The following JAG1 variants were observed in gnomAD, a reference collection of about 807,000 sequenced individuals.
The protein encoded by JAG1 is protein jagged-1.
JAG1 carries 23 observed loss-of-function variants against 148.7 expected under a neutral mutation model. The ratio of observed to expected loss-of-function variants is 0.15; its 90% CI spans 0.11 to 0.22. The LOEUF (loss-of-function observed/expected upper bound fraction) is 0.22. Ranked by LOEUF, JAG1 falls within the 10% of genes least tolerant of loss-of-function variation. The pLI is 1.00. For synonymous variants in JAG1, 572 were observed against 598.3 expected (o/e 0.96, Z 0.64); for missense variants, 1,054 against 1,611.2 (o/e 0.65, Z 5.92).
In JAG1 at chr20:10,647,050, G is replaced by A. The variant is rs138470284; in HGVS notation, c.1774C>T (p.Arg592Trp). Residue 592 changes from arginine (R) to tryptophan (W), a missense_variant, in exon 14 of 26, where the codon CGG (arginine) becomes TGG (tryptophan). Transcript: ENST00000254958. ...CCACAGACGTTGGAGGAAATATACC[G>A]CACCCCTTCAGGTGTGTCGTTGGAA... ...MASNDTPEGV[R>W]YISSNVCGPH... is the part of the protein sequence containing the mutation. 13 of 1,614,144 alleles carry A rather than the reference G, an allele frequency of 8.1e-6. 1 individual carries two copies. Among genetic ancestry groups the A allele is most frequent in the East Asian group, 2.2e-5 (1 of 44,884 alleles).
At chr20:10,671,956 C>G (rs2067498340) in intron 2 of JAG1, among the ~76,000 whole-genome samples, 1 of 152,034 alleles carries the variant, frequency 6.6e-6, no homozygotes, top group African/African-American at 2.4e-5. Flanking sequence ...GGGCCGTGCA[C>G]CCGCCCTTCC....
intron 5 of JAG1, among the ~76,000 whole-genome samples, chr20:10,654,496 T>A (rs892857941): frequency 6.6e-6 from 1 of 152,066 alleles, no homozygotes; most frequent in Non-Finnish European, 1.5e-5. Context: ...TCAGTCTACT[T>A]GGGAACAACA....
At chr20:10,658,047 A>G (rs1459556502) in intron 4 of JAG1, among the ~76,000 whole-genome samples, 1 of 152,136 alleles carries the variant, frequency 6.6e-6, no homozygotes, top group Non-Finnish European at 1.5e-5. Context: ...GAGCAAGAAC[A>G]TGGTCTCAAC....
Position 10,641,230 on chromosome 20 carries a change from C to T in JAG1, c.2931G>A (p.Glu977=), listed in dbSNP as rs1379142756. 3 of 1,613,814 alleles carry T rather than the reference C, an allele frequency of 1.9e-6. No individual in the cohort carries two copies. Among genetic ancestry groups the T allele is most frequent in the Non-Finnish European group, 1.7e-6 (2 of 1,180,022 alleles). The change falls in exon 24 of 26, where the codon GAG becomes GAA. Residue 977 remains glutamate (E), a synonymous_variant. Transcript: ENST00000254958. The part of the protein sequence containing the change: ...KEMMSPGLTT[E]HICSELRNLN... The stretch of plus-strand genomic sequence containing the variant: ...AATTCCTCAATTCACTGCAAATGTG[C>T]TCCGTAGTAAGACCCTAAAACGATT...
chr20:10,641,080 GAAT>G lies in JAG1; in HGVS notation c.3048+30_3048+32del, dbSNP rs759022807. 398 of 1,613,732 alleles carry G rather than the reference GAAT, an allele frequency of 2.5e-4. No individual in the cohort carries two copies. Among genetic ancestry groups the G allele is most frequent in the Non-Finnish European group, 3.2e-4 (381 of 1,179,942 alleles). ...TGGTTAACCGAACTGCCTTGCCATC[GAAT>G]AATGAGGTGTGAATGGGTCTTATAC... On this transcript the variant is annotated intron_variant, in intron 24 of 25. Transcript: ENST00000254958.
chr20:10,669,355 A>G (rs1047244335), intron 2 of JAG1, among the ~76,000 whole-genome samples: 1 of 151,918 alleles, frequency 6.6e-6, no homozygotes, highest in Non-Finnish European at 1.5e-5. Context: ...CCCATCCTTA[A>G]GCCCTCCATG....
intron 14 of JAG1, chr20:10,646,405 C>T (rs1461452337): frequency 1.5e-5 from 6 of 394,872 alleles, no homozygotes; most frequent in Non-Finnish European, 2.9e-5. Flanking sequence ...ATGGAGGCTC[C>T]GAGGCAGAGT....
chr20:10,648,453 T>G, intron 12 of JAG1, 96 bp downstream of exon 12: 4 of 1,051,034 alleles, frequency 3.8e-6, no homozygotes, highest in Non-Finnish European at 6.0e-6. Flanking sequence ...GTTAGGAAAT[T>G]CCAGACACAA....
intron 3 of JAG1, among the ~76,000 whole-genome samples, chr20:10,659,673 A>C (rs1324284176): frequency 6.7e-6 from 1 of 149,432 alleles, no homozygotes; most frequent in Non-Finnish European, 1.5e-5. Context: ...TCCTCTGCCC[A>C]GAAGGCAGAT....
In JAG1 at chr20:10,639,794, G is replaced by T. The variant is rs761710896; in HGVS notation, c.3361C>A (p.Gln1121Lys). 6.2e-7 allele frequency: 1 copy of T among 1,614,052 alleles called. No homozygotes were observed. The highest frequency in any genetic ancestry group is 8.5e-7 in the Non-Finnish European group (1 of 1,180,044). ...TTNNVREQLN[Q>K]IKNPIEKHGA... Reference sequence around the variant, plus strand: ...TGTTTCTCAATGGGGTTTTTGATCTGGTTCAGCTGCTCCCGCACGTTGTTG... The same window carrying T: ...TGTTTCTCAATGGGGTTTTTGATCTTGTTCAGCTGCTCCCGCACGTTGTTG... The change falls in exon 26 of 26, where the codon CAG becomes AAG. Residue 1121 changes from glutamine (Q) to lysine (K), a missense_variant. Gln to Lys is a moderately conservative substitution (Grantham distance 53, BLOSUM62 1). Around this residue, in one of 6 missense-constraint regions of JAG1, gnomAD observed 177 missense variants for 177.3 expected, o/e 1.00. Coordinates refer to ENST00000254958, the MANE Select transcript of JAG1 (RefSeq NM_000214.3).
At chr20:10,668,176 A>G (rs1056807415) in intron 2 of JAG1, among the ~76,000 whole-genome samples, 1 of 151,594 alleles carries the variant, frequency 6.6e-6, no homozygotes, top group African/African-American at 2.4e-5. Flanking sequence ...AGAAGTCACA[A>G]CACAGCCACC....
rs763164530 is a variant in JAG1, at chr20:10,639,895, G to A, written c.3260C>T (p.Thr1087Met). The change falls in exon 26 of 26, where the codon ACG (threonine) becomes ATG (methionine). Residue 1087 changes from threonine (T) to methionine (M), a missense_variant. Thr to Met is a moderately conservative substitution (Grantham distance 81). Around this residue, in one of 6 missense-constraint regions of JAG1, gnomAD observed 177 missense variants for 177.3 expected, o/e 1.00. Transcript: ENST00000254958. Reference protein sequence around the residue: ...LTVAWICCLVTAFYWCLRKRR... With the variant: ...LTVAWICCLVMAFYWCLRKRR... The stretch of plus-strand genomic sequence containing the variant: ...CTTCCGCAGGCACCAGTAGAAGGCC[G>A]TCACCAAGCAACAGATCCAAGCCAC... The A allele has an allele frequency of 1.5e-5, 24 of 1,614,054 alleles. No individual in the cohort carries two copies. Among genetic ancestry groups the A allele is most frequent in the African/African-American group, 1.5e-4 (11 of 74,922 alleles).
rs780484971 is a variant in JAG1 at position 10,656,427 on chromosome 20, A to G, written c.726T>C (p.His242=). 1 of 1,614,044 alleles carries G rather than the reference A, an allele frequency of 6.2e-7. No homozygotes were observed. Among genetic ancestry groups the G allele is most frequent in the Non-Finnish European group, 8.5e-7 (1 of 1,179,910 alleles). The change falls in exon 5 of 26, where the codon CAT becomes CAC. Residue 242 remains histidine, a synonymous_variant. Transcript: ENST00000254958. ...AGTCACCTGGGAGTTTGCAAGACCC[A>G]TGCTTAGGACTGCAGCCTTGTCGGC... The part of the protein sequence containing the change: ...AICRQGCSPK[H]GSCKLPGDCR...
chr20:10,641,597 C>T lies in JAG1; in HGVS notation c.2779G>A (p.Val927Ile), dbSNP rs770415804. Residue 927 changes from valine (V) to isoleucine (I), a missense_variant, in exon 23 of 26, where the codon GTC (valine) becomes ATC (isoleucine). By Grantham distance (29) the Val-to-Ile change is conservative. Transcript: ENST00000254958. Reference sequence around the variant, plus strand: ...TCGCCCACACCAGTGCAGGGGTGGACGAAGCACTGGTCGTCCAGGATGGGG... The same window carrying T: ...TCGCCCACACCAGTGCAGGGGTGGATGAAGCACTGGTCGTCCAGGATGGGG... ...CIPILDDQCF[V>I]HPCTGVGECR... 7.4e-6 allele frequency: 12 copies of T among 1,613,986 alleles called. No individual in the cohort carries two copies. The East Asian group carries it at 1.8e-4, about 24-fold the overall frequency.
Position 10,656,289 on chromosome 20 carries a change from A to G in JAG1, c.755+109T>C, listed in dbSNP as rs965034147. 20 of 921,134 alleles carry G rather than the reference A, an allele frequency of 2.2e-5. No homozygotes were observed. The African/African-American group carries it at 3.3e-4, about 15-fold the overall frequency. The allele number at this position is 921,134 out of a possible 1,614,324, so 57.1% of individuals were successfully genotyped here. On this transcript the variant is annotated intron_variant, in intron 5 of 25. Transcript: ENST00000254958. ...GTCTATCTGAATTTTTTTTTTAAAA[A>G]AGCTTTCTTGTTCTCCAAGGAAAAA...
intron 5 of JAG1, among the ~76,000 whole-genome samples, chr20:10,655,341 C>T (rs774732269): frequency 3.3e-5 from 5 of 152,158 alleles, no homozygotes; most frequent in Non-Finnish European, 7.3e-5. Flanking sequence ...GGATGTGGGA[C>T]GGAGCCCACG....
chr20:10,673,619 G>T lies in JAG1; in HGVS notation c.-89C>A. 1 of 587,114 alleles carries T rather than the reference G, an allele frequency of 1.7e-6. No individual in the cohort carries two copies. The highest frequency in any genetic ancestry group is 2.4e-6 in the Non-Finnish European group (1 of 416,080). The allele number at this position is 587,114 out of a possible 1,614,324, so 36.4% of individuals were successfully genotyped here. A position where few individuals can be genotyped will look rare whatever the true frequency, so the allele number is the denominator to read the frequency against. ...CGGTGCTGCCGTCGCCGCTGCCCCT[G>T]CGGCCGCCGCGTCCCGGCTCTAATA... On this transcript the variant is annotated 5_prime_UTR_variant, in exon 1 of 26. Coordinates refer to ENST00000254958, the MANE Select transcript of JAG1 (RefSeq NM_000214.3). The surrounding 1 kb of genome is among the most constrained non-coding windows in gnomAD (Gnocchi z 4.7).
In JAG1 at chr20:10,658,620, T is replaced by C; in HGVS notation, c.542A>G (p.Tyr181Cys). 6.2e-7 allele frequency: 1 copy of C among 1,614,250 alleles called. No individual in the cohort carries two copies. The highest frequency in any genetic ancestry group is 1.7e-5 in the Admixed American group (1 of 60,028). Residue 181 changes from tyrosine to cysteine, a missense_variant, in exon 4 of 26, where the codon TAT becomes TGT. By Grantham distance (194) the Tyr-to-Cys change is radical. This residue lies in a region of JAG1 where 104 missense variants were observed against 235.2 expected (regional missense o/e 0.44). Transcript: ENST00000254958. ...KQNTGVAHFEYQIRVTCDDYY... is the reference protein window; with the variant it reads ...KQNTGVAHFECQIRVTCDDYY... ...GTCATCACAGGTCACGCGGATCTGATACTCAAAGTGGGCAACGCCCGTGTT... is the reference window on the plus strand; with the variant it reads ...GTCATCACAGGTCACGCGGATCTGACACTCAAAGTGGGCAACGCCCGTGTT...
At chr20:10,643,963 C>T in intron 19 of JAG1, 100 bp from the exon 20 acceptor site, 1 of 882,050 alleles carries the variant, frequency 1.1e-6, no homozygotes, top group East Asian at 2.5e-5. Flanking sequence ...CAGTGGCTCT[C>T]ACCCCATGGC....
Sources: allele counts gnomAD v4.1 joint callset (sites outside exome capture counted in the v4.1 genomes callset), GRCh38; gene constraint gnomAD v4.1.1; regional missense constraint gnomAD v4.1.1; non-coding constraint Gnocchi (gnomAD v3.1); transcripts MANE v1.5; gene names NCBI Gene and HGNC (gene_info 2026-07-23, HGNC 2026-07-21).